Variants in ITIH5 observed in about 807,000 individuals in gnomAD.
ITIH5 encodes inter-alpha-trypsin inhibitor heavy chain H5.
A neutral mutation model predicts 77.5 loss-of-function variants in ITIH5; 65 were observed. That is an observed-to-expected ratio of 0.84 (90% CI 0.69 to 1.03). The LOEUF is 1.03. Ranked by LOEUF, ITIH5 falls within the 50% of genes least tolerant of loss-of-function variation. The probability of loss-of-function intolerance (pLI) is 0.00; values close to 1 mark genes in which losing one functional copy is unlikely to be tolerated. For missense variants in ITIH5, 1,208 were observed against 1,213.1 expected (o/e 1.00, Z 0.06); for synonymous variants, 525 against 494.3 (o/e 1.06, Z -0.82).
chr10:7,654,021 G>A (rs1341804711), intron 2 of ITIH5, among the ~76,000 whole-genome samples: 1 of 152,172 alleles, frequency 6.6e-6, no homozygotes, highest in East Asian at 1.9e-4. Context: ...GCCAAGTGTG[G>A]TGGTGCATGC....
chr10:7,566,136 G>A lies in ITIH5; in HGVS notation c.2421C>T (p.Val807=). The part of the protein sequence containing the change: ...TVTIQGSIAF[V]ILIHLYKKPA... ...GCTTTTTGTAGAGGTGGATGAGGAT[G>A]ACAAAGGCTATGGAGCCCTGGATGG... Residue 807 remains valine (V), a synonymous_variant, in exon 13 of 14, where the codon GTC becomes GTT. Coordinates refer to ENST00000397146, the MANE Select transcript of ITIH5 (RefSeq NM_030569.7). 1.9e-6 allele frequency: 3 copies of A among 1,614,122 alleles called. No individual in the cohort carries two copies. Among genetic ancestry groups the A allele is most frequent in the Non-Finnish European group, 2.5e-6 (3 of 1,180,026 alleles).
chr10:7,580,246 G>A (rs914630103), intron 8 of ITIH5, among the ~76,000 whole-genome samples, 182 bp from the exon 9 acceptor site: 3 of 152,066 alleles, frequency 2.0e-5, no homozygotes, highest in East Asian at 1.9e-4. Context: ...TCAGCCTCCC[G>A]AGTAGCTGGG....
chr10:7,573,037 C>T, intron 11 of ITIH5, 105 bp downstream of exon 11: 1 of 1,104,038 alleles, frequency 9.1e-7, no homozygotes, highest in Non-Finnish European at 1.4e-6. Context: ...CTCGGCCTCC[C>T]AAAGTGCTGG....
chr10:7,622,030 G>C (rs1052699596), intron 5 of ITIH5: 5 of 152,202 alleles, frequency 3.3e-5, no homozygotes, highest in Non-Finnish European at 5.9e-5. Context: ...TCCGATTTGA[G>C]GGAGGCCAAG....
intron 11 of ITIH5, chr10:7,572,279 G>C (rs753592458): frequency 1.5e-6 from 2 of 1,360,482 alleles, no homozygotes; most frequent in South Asian, 1.2e-5. Flanking sequence ...GGACACAGCA[G>C]AACAAAACCC....
At chr10:7,606,788 T>A (rs2050349) in intron 7 of ITIH5, among the ~76,000 whole-genome samples, 113,891 of 152,162 alleles carry the variant, frequency 0.75, 42,794 homozygotes, top group Admixed American at 0.8. Flanking sequence ...CTCTAAGATA[T>A]ACTTCATCCG....
Position 7,640,857 on chromosome 10 carries a change from T to C in ITIH5, c.300-2A>G. ...TGATACACCTTGTCTCCAATAAGCC[T>C]GAAATACAAGAGACAGTTGTGCTAC... On this transcript the variant is annotated splice_acceptor_variant, in intron 3 of 13. Coordinates refer to ENST00000397146, the MANE Select transcript of ITIH5 (RefSeq NM_030569.7). LOFTEE classifies it high-confidence loss of function. The C allele has an allele frequency of 6.3e-7, 1 of 1,599,218 alleles. No individual in the cohort carries two copies. The highest frequency in any genetic ancestry group is 1.1e-5 in the South Asian group (1 of 90,682).
chr10:7,666,844 A>G lies in ITIH5; in HGVS notation c.49T>C (p.Ser17Pro), dbSNP rs1461201326. ...CCCCAGCTCTGCGCCTCTTCCTGCG[A>G]CCCCACACACAGGGACAGCCCCAGG... ...LCLGLSLCVG[S>P]QEEAQSWGHS... Residue 17 changes from serine to proline, a missense_variant, in exon 1 of 14, where the codon TCG becomes CCG. By Grantham distance (74) the Ser-to-Pro change is moderately conservative. Coordinates refer to ENST00000397146, the MANE Select transcript of ITIH5 (RefSeq NM_030569.7). The G allele has an allele frequency of 2.8e-5, 45 of 1,608,094 alleles. No individual in the cohort carries two copies. Among genetic ancestry groups the G allele is most frequent in the Non-Finnish European group, 3.7e-5 (44 of 1,178,052 alleles).
intron 7 of ITIH5, among the ~76,000 whole-genome samples, chr10:7,599,159 T>C (rs1450209001): frequency 6.6e-6 from 1 of 152,136 alleles, no homozygotes; most frequent in Admixed American, 6.5e-5. Context: ...GGGCTAGAAA[T>C]AGATTTTTTT....
intron 5 of ITIH5, chr10:7,622,577 C>T (rs1227637252): frequency 6.6e-6 from 1 of 151,776 alleles, no homozygotes; most frequent in Non-Finnish European, 1.5e-5. Context: ...TTTGTCATAA[C>T]AGTTTTCTCT....
chr10:7,573,118 A>G (rs1284991143), intron 11 of ITIH5, 24 bp downstream of exon 11: 2 of 1,607,976 alleles, frequency 1.2e-6, no homozygotes, highest in African/African-American at 2.7e-5. Flanking sequence ...CTCAATCCAC[A>G]CACAACCGCA....
intron 8 of ITIH5, among the ~76,000 whole-genome samples, chr10:7,581,713 T>C (rs1269537046): frequency 3.7e-5 from 5 of 136,522 alleles, no homozygotes; most frequent in Admixed American, 2.7e-4. Context: ...TTTTCTTTTC[T>C]TTTCCTTCTT....
chr10:7,642,788 G>A (rs1833910975), intron 2 of ITIH5, among the ~76,000 whole-genome samples: 1 of 152,206 alleles, frequency 6.6e-6, no homozygotes, highest in Non-Finnish European at 1.5e-5. Flanking sequence ...TTACAACAGA[G>A]CTACATCTGG....
intron 12 of ITIH5, 126 bp downstream of exon 12, chr10:7,569,542 C>G: frequency 1.7e-6 from 1 of 591,198 alleles, no homozygotes; most frequent in Middle Eastern, 4.4e-4. Flanking sequence ...CCCTTAACCA[C>G]TGACGATACT....
intron 7 of ITIH5, among the ~76,000 whole-genome samples, chr10:7,596,085 G>A (rs149030176): frequency 3.0e-3 from 453 of 152,276 alleles, no homozygotes; most frequent in African/African-American, 0.01. Context: ...AGCTGGCAAT[G>A]GTCTTGCTTG....
At chr10:7,566,767 G>A (rs1588355605) in intron 12 of ITIH5, among the ~76,000 whole-genome samples, 3 of 20,654 alleles carry the variant, frequency 1.5e-4, no homozygotes, top group South Asian at 2.1e-3. Context: ...GAAGAAGAAA[G>A]AAGAAAGAAG....
chr10:7,607,120 C>T (rs1019663823), intron 7 of ITIH5, among the ~76,000 whole-genome samples: 3 of 152,178 alleles, frequency 2.0e-5, no homozygotes, highest in Admixed American at 6.5e-5. Flanking sequence ...GCCCAGTAGA[C>T]GAGAATAAAC....
intron 7 of ITIH5, among the ~76,000 whole-genome samples, chr10:7,595,763 C>T (rs559191635): frequency 5.3e-5 from 8 of 152,278 alleles, no homozygotes; most frequent in Non-Finnish European, 8.8e-5. Context: ...AATCACAGCA[C>T]TTTAGGAAGC....
intron 9 of ITIH5, among the ~76,000 whole-genome samples, chr10:7,579,279 A>T (rs113711234): frequency 0.014 from 2,158 of 152,334 alleles, 57 homozygotes; most frequent in African/African-American, 0.05. Flanking sequence ...TAATCCCAGT[A>T]CTTTGGGAGG....
Sources: allele counts gnomAD v4.1 joint callset (sites outside exome capture counted in the v4.1 genomes callset), GRCh38; gene constraint gnomAD v4.1.1; transcripts MANE v1.5; gene names NCBI Gene and HGNC (gene_info 2026-07-23, HGNC 2026-07-21).